The following HHLA1 variants were observed in gnomAD, a reference collection of about 807,000 sequenced individuals.
HHLA1 encodes the protein HERV-H LTR-associating protein 1.
A neutral mutation model predicts 69.9 loss-of-function variants in HHLA1; 72 were observed. That is an observed-to-expected ratio of 1.03 (90% CI 0.85 to 1.25). The LOEUF is 1.25. HHLA1 is among the 50% of genes most tolerant of loss of function. HHLA1 has a pLI of 0.00. For synonymous variants in HHLA1, 252 were observed against 233.2 expected, an observed-to-expected ratio of 1.08 and a Z score of -0.73; for missense variants, 685 against 642.2, an observed-to-expected ratio of 1.07 and a Z score of -0.72.
intron 11 of HHLA1, 65 bp downstream of exon 11, chr8:132,079,653 G>A: frequency 6.9e-7 from 1 of 1,457,000 alleles, no homozygotes; most frequent in Non-Finnish European, 9.1e-7. Flanking sequence ...GCTTATATAT[G>A]TGAGCCTAGA....
rs1228729535 is a variant in HHLA1, at chr8:132,095,756, A to G, written c.311T>C (p.Val104Ala). The G allele has an allele frequency of 4.5e-6, 7 of 1,551,194 alleles. No homozygotes were observed. The highest frequency in any genetic ancestry group is 1.2e-5 in the South Asian group (1 of 84,006). The change falls in exon 6 of 17, where the codon GTC becomes GCC. Residue 104 changes from valine to alanine, a missense_variant. Transcript: ENST00000414222. ...DSKKFFSLLS[V>A]TSYSSFAFHK... is the part of the protein sequence containing the mutation. ...GAAGGCGAAGGAACTGTAGGAAGTG[A>G]CACTCAGCAAGGAGAAGAACTTCTT...
chr8:132,092,647 T>C (rs1012893844), intron 7 of HHLA1, among the ~76,000 whole-genome samples: 7 of 152,176 alleles, frequency 4.6e-5, no homozygotes, highest in Non-Finnish European at 8.8e-5. Flanking sequence ...TCTGCCATGA[T>C]TGTAAGTTTC....
At position 132,105,258 on chromosome 8, in the gene HHLA1, C is replaced by T. The variant is rs1824185009; in HGVS notation, c.8G>A (p.Gly3Asp). 6.4e-7 allele frequency: 1 copy of T among 1,552,004 alleles called. No homozygotes were observed. Among genetic ancestry groups the T allele is most frequent in the Non-Finnish European group, 8.7e-7 (1 of 1,146,970 alleles). ...CATTGAAGGACCACGTGACAGGAAG[C>T]CCAGCATGCTTGTGATACTCTGGCC... Reference protein sequence around the residue: MLGFLSRGPSMKL... With the variant: MLDFLSRGPSMKL... Residue 3 changes from glycine (G) to aspartate (D), a missense_variant, in exon 2 of 17, where the codon GGC becomes GAC. Transcript: ENST00000414222.
In HHLA1 at chr8:132,084,220, T is replaced by C. The variant is rs372021688; in HGVS notation, c.676+3433A>G. 2.9e-4 allele frequency among the ~76,000 whole-genome samples: 43 copies of C among 150,416 alleles called. No individual in the cohort carries two copies. In the East Asian group the frequency reaches 3.3e-3, roughly 11 times the overall value. On this transcript the variant is annotated intron_variant, in intron 10 of 16. Coordinates refer to ENST00000414222, the MANE Select transcript of HHLA1 (RefSeq NM_001145095.3). ...CCGGACCAGGTGTGAGGAGGGGAGG[T>C]GATAAAAAGATTATAGGGTGGAGGA... is the stretch of plus-strand genomic sequence containing the variant.
intron 1 of HHLA1, among the ~76,000 whole-genome samples, chr8:132,108,558 G>A (rs1323564262): frequency 1.3e-5 from 2 of 152,232 alleles, no homozygotes; most frequent in East Asian, 3.9e-4. Flanking sequence ...AGAAAAGCAA[G>A]TCATGTGATG....
In HHLA1 at chr8:132,098,976, A is replaced by G; in HGVS notation, c.200-14T>C. The G allele has an allele frequency of 6.6e-7, 1 of 1,522,286 alleles. No homozygotes were observed. The highest frequency in any genetic ancestry group is 1.2e-5 in the South Asian group (1 of 80,412). 94.3% of individuals were successfully genotyped at this position (1,522,286 alleles called of 1,614,324 possible). ...TTGCGGGCAGCTCTGAAAGAGATTCAGAGATAATGTCACTGGCAGGCTTTT... is the reference window on the plus strand; with the variant it reads ...TTGCGGGCAGCTCTGAAAGAGATTCGGAGATAATGTCACTGGCAGGCTTTT... On this transcript the variant is annotated splice_polypyrimidine_tract_variant and intron_variant, in intron 4 of 16. Transcript: ENST00000414222.
chr8:132,106,721 C>T (rs1824206850), intron 1 of HHLA1, among the ~76,000 whole-genome samples: 1 of 152,200 alleles, frequency 6.6e-6, no homozygotes. Flanking sequence ...TAGACACATG[C>T]CCAACTAATT....
At chr8:132,093,618 A>G (rs1823977310) in intron 7 of HHLA1, among the ~76,000 whole-genome samples, 2 of 152,232 alleles carry the variant, frequency 1.3e-5, no homozygotes, top group South Asian at 4.1e-4. Flanking sequence ...CAATTTTATC[A>G]GTAGATAATG....
intron 15 of HHLA1, among the ~76,000 whole-genome samples, chr8:132,067,550 A>G (rs1185247931): frequency 6.6e-6 from 1 of 152,170 alleles, no homozygotes; most frequent in Non-Finnish European, 1.5e-5. Context: ...GCCACTAGAT[A>G]TCTGGTTAGC....
intron 1 of HHLA1, among the ~76,000 whole-genome samples, chr8:132,106,852 G>A (rs1340099663): frequency 6.6e-6 from 1 of 152,204 alleles, no homozygotes; most frequent in Non-Finnish European, 1.5e-5. Context: ...GACTGGGGGT[G>A]GAAGTGGGCA....
chr8:132,079,277 A>G (rs1192441586), intron 11 of HHLA1, among the ~76,000 whole-genome samples: 1 of 152,210 alleles, frequency 6.6e-6, no homozygotes, highest in African/African-American at 2.4e-5. Flanking sequence ...TGACCTAACC[A>G]TGCCATAAAA....
At chr8:132,109,635 A>T (rs1439213584) in intron 1 of HHLA1, among the ~76,000 whole-genome samples, 2 of 152,110 alleles carry the variant, frequency 1.3e-5, no homozygotes, top group African/African-American at 4.8e-5. Context: ...GTTACAGAAG[A>T]TAAAGGCCCA....
chr8:132,071,852 A>G (rs2130877615), intron 14 of HHLA1, among the ~76,000 whole-genome samples: 1 of 152,154 alleles, frequency 6.6e-6, no homozygotes, highest in Non-Finnish European at 1.5e-5. Flanking sequence ...TGACTTGCTG[A>G]GGGGGATTTG....
chr8:132,109,986 C>T (rs1197123477), intron 1 of HHLA1, among the ~76,000 whole-genome samples: 1 of 152,138 alleles, frequency 6.6e-6, no homozygotes, highest in Non-Finnish European at 1.5e-5. Flanking sequence ...GTCACAGCAG[C>T]CCTGGAGCCG....
intron 16 of HHLA1, 82 bp downstream of exon 16, chr8:132,065,804 C>A (rs1447053934): frequency 1.5e-5 from 9 of 598,194 alleles, no homozygotes; most frequent in Non-Finnish European, 2.6e-5. Flanking sequence ...CCAAAGACAT[C>A]TGGGAATCAC....
chr8:132,073,012 A>G (rs1356002535), intron 14 of HHLA1, among the ~76,000 whole-genome samples: 1 of 152,198 alleles, frequency 6.6e-6, no homozygotes, highest in Non-Finnish European at 1.5e-5. Context: ...AGCAATCTTC[A>G]CATCTTTCTG....
chr8:132,106,053 T>G (rs759358004), intron 1 of HHLA1, among the ~76,000 whole-genome samples: 3 of 152,208 alleles, frequency 2.0e-5, no homozygotes, highest in African/African-American at 7.2e-5. Context: ...AGATGCCACA[T>G]TGAACACTAT....
Position 132,100,124 on chromosome 8 carries a change from A to G in HHLA1, c.150T>C (p.Leu50=). The change falls in exon 4 of 17, where the codon CTT becomes CTC. Residue 50 remains leucine (L), a synonymous_variant. Coordinates refer to ENST00000414222, the MANE Select transcript of HHLA1 (RefSeq NM_001145095.3). ...MTFLPTTVSG[L]REEERKEKGV... ...CCTTCTCCTTCCTCTCTTCTTCTCTAAGGCCAGACACTGGGAAGGAGACAG... is the reference window on the plus strand; with the variant it reads ...CCTTCTCCTTCCTCTCTTCTTCTCTGAGGCCAGACACTGGGAAGGAGACAG... The G allele has an allele frequency of 6.4e-7, 1 of 1,550,632 alleles. No individual in the cohort carries two copies. The highest frequency in any genetic ancestry group is 8.7e-7 in the Non-Finnish European group (1 of 1,146,094).
Position 132,087,834 on chromosome 8 carries a change from T to C in HHLA1, c.589+11A>G. 2.6e-6 allele frequency: 4 copies of C among 1,550,324 alleles called. No homozygotes were observed. The highest frequency in any genetic ancestry group is 3.5e-6 in the Non-Finnish European group (4 of 1,145,604). ...CCCAGAGAGCTTGTCAAAGAATGTC[T>C]AGTGGTTTACCTGACTTTCCTGTCA... On this transcript the variant is annotated intron_variant, in intron 9 of 16. Coordinates refer to ENST00000414222, the MANE Select transcript of HHLA1 (RefSeq NM_001145095.3).
Sources: allele counts gnomAD v4.1 joint callset (sites outside exome capture counted in the v4.1 genomes callset), GRCh38; gene constraint gnomAD v4.1.1; transcripts MANE v1.5; gene names NCBI Gene and HGNC (gene_info 2026-07-23, HGNC 2026-07-21).